The following PAN2 variants were observed in gnomAD, a reference collection of about 807,000 sequenced individuals.
PAN2 encodes the protein poly(A) specific ribonuclease subunit PAN2.
PAN2 carries 68 observed loss-of-function variants against 133.3 expected under a neutral mutation model. The ratio of observed to expected loss-of-function variants is 0.51; its 90% CI spans 0.42 to 0.62. The LOEUF (loss-of-function observed/expected upper bound fraction) is 0.62, where lower values mean the gene tolerates loss of function less well. Among genes scored for constraint, PAN2 ranks in the 20% least tolerant of loss-of-function variants. PAN2 has a pLI of 0.00. For missense variants in PAN2, 1,042 were observed against 1,500.5 expected, an observed-to-expected ratio of 0.69 and a Z score of 5.05; for synonymous variants, 462 against 544.6, an observed-to-expected ratio of 0.85 and a Z score of 2.11.
intron 19 of PAN2, 30 bp downstream of exon 19, chr12:56,322,392 GA>G (rs759494931): frequency 1.3e-6 from 2 of 1,565,050 alleles, no homozygotes; most frequent in Admixed American, 1.7e-5. Context: ...AAGGGGAAAT[GA>G]AAGAAGAAAC....
chr12:56,323,579 CG>C lies in PAN2; in HGVS notation c.2191del (p.Arg731AlafsTer13). On this transcript the variant is annotated frameshift_variant, in exon 15 of 26. Coordinates refer to ENST00000440411, the MANE Select transcript of PAN2 (RefSeq NM_014871.6). LOFTEE classifies it high-confidence loss of function. Reference sequence around the variant, plus strand: ...GATGACAAGAATATCTGGCAGATGGCGGATGTTGCGGGTCTGAATCTGAGAG... The same window carrying C: ...GATGACAAGAATATCTGGCAGATGGCGATGTTGCGGGTCTGAATCTGAGAG... ...YQPTIQTRNI[R>X]HLPDILVINC... The C allele has an allele frequency of 6.2e-7, 1 of 1,614,000 alleles. No individual in the cohort carries two copies. Among genetic ancestry groups the C allele is most frequent in the Non-Finnish European group, 8.5e-7 (1 of 1,179,906 alleles).
At position 56,326,324 on chromosome 12, in the gene PAN2, G is replaced by C; in HGVS notation, c.1348C>G (p.Leu450Val). Reference protein sequence around the residue: ...IGYAPNPRTRLRNQIPYRLKE... With the variant: ...IGYAPNPRTRVRNQIPYRLKE... ...CACTCTGAACACACCTGATTGCGCAGCCTGGTGCGGGGATTGGGCGCATAG... is the reference window on the plus strand; with the variant it reads ...CACTCTGAACACACCTGATTGCGCACCCTGGTGCGGGGATTGGGCGCATAG... The change falls in exon 8 of 26, where the codon CTG becomes GTG. Residue 450 changes from leucine (L) to valine (V), a missense_variant. By Grantham distance (32) the Leu-to-Val change is conservative. This residue lies in a region of PAN2 where 908 missense variants were observed against 1,223.5 expected (regional missense o/e 0.74). Transcript: ENST00000440411. 6.2e-7 allele frequency: 1 copy of C among 1,601,134 alleles called. No homozygotes were observed. Among genetic ancestry groups the C allele is most frequent in the Non-Finnish European group, 8.5e-7 (1 of 1,170,540 alleles).
rs376838096 is a variant in PAN2 at position 56,332,965 on chromosome 12, C to G, written c.130G>C (p.Val44Leu). Residue 44 changes from valine to leucine, a missense_variant, in exon 2 of 26, where the codon GTG becomes CTG. Val to Leu is a conservative substitution (Grantham distance 32). This residue lies in a region of PAN2 where 908 missense variants were observed against 1,223.5 expected (regional missense o/e 0.74). Coordinates refer to ENST00000440411, the MANE Select transcript of PAN2 (RefSeq NM_014871.6). ...LQNVELDPEG[V>L]ALEALPVQES... Reference sequence around the variant, plus strand: ...TGGACGGGAAGAGCCTCCAAGGCCACTCCCTCTGGGTCCAGCTCCACATTC... The same window carrying G: ...TGGACGGGAAGAGCCTCCAAGGCCAGTCCCTCTGGGTCCAGCTCCACATTC... The G allele has an allele frequency of 6.2e-7, 1 of 1,614,222 alleles. No homozygotes were observed. The highest frequency in any genetic ancestry group is 8.5e-7 in the Non-Finnish European group (1 of 1,180,038).
chr12:56,333,957 C>G lies in PAN2; in HGVS notation c.-210G>C, dbSNP rs1876199100. The G allele has an allele frequency of 1.3e-5, 2 of 152,160 alleles. No homozygotes were observed. Among genetic ancestry groups the G allele is most frequent in the Admixed American group, 6.5e-5 (1 of 15,278 alleles). The allele number at this position is 152,160 out of a possible 1,614,324, so 9.4% of individuals were successfully genotyped here. On this transcript the variant is annotated 5_prime_UTR_variant, in exon 1 of 26. Transcript: ENST00000440411. ...CAGCTCCGCGGGAAATTCCAGTTTC[C>G]CCAGTTCTCCCCCACGCCTAGGGCT...
intron 2 of PAN2, among the ~76,000 whole-genome samples, chr12:56,328,888 A>C (rs1006659736): frequency 6.6e-6 from 1 of 152,220 alleles, no homozygotes; most frequent in Admixed American, 6.5e-5. Context: ...TGTCCTCACA[A>C]TGACCCTGCT....
At chr12:56,330,655 G>A (rs574891531) in intron 2 of PAN2, among the ~76,000 whole-genome samples, 2 of 151,532 alleles carry the variant, frequency 1.3e-5, no homozygotes, top group South Asian at 2.1e-4. Context: ...CACCGCGCCC[G>A]GCCTGTATTT....
At chr12:56,327,938 A>C in intron 5 of PAN2, 57 bp downstream of exon 5, 1 of 1,610,672 alleles carries the variant, frequency 6.2e-7, no homozygotes, top group Non-Finnish European at 8.5e-7. Flanking sequence ...GCAGATCGCA[A>C]TCAGGTATCT....
intron 2 of PAN2, among the ~76,000 whole-genome samples, chr12:56,329,713 G>A (rs541206229): frequency 1.3e-5 from 2 of 151,854 alleles, no homozygotes; most frequent in African/African-American, 4.8e-5. Context: ...GGAGGCCAAG[G>A]CAGGTGGATC....
In PAN2 at chr12:56,325,064, A is replaced by G; in HGVS notation, c.1544T>C (p.Leu515Ser). ...DFDFKHYNKT[L>S]FAGLEPHIPN... The stretch of plus-strand genomic sequence containing the variant: ...AATGTGGGGCTCTAATCCAGCAAAC[A>G]AGGTCTTATTGTAGTGTTTGAAGTC... Residue 515 changes from leucine (L) to serine (S), a missense_variant, in exon 10 of 26, where the codon TTG becomes TCG. Coordinates refer to ENST00000440411, the MANE Select transcript of PAN2 (RefSeq NM_014871.6). The G allele has an allele frequency of 4.3e-6, 7 of 1,614,066 alleles. No individual in the cohort carries two copies. The highest frequency in any genetic ancestry group is 5.9e-6 in the Non-Finnish European group (7 of 1,179,930).
At position 56,323,079 on chromosome 12, in the gene PAN2, C is replaced by T; in HGVS notation, c.2476G>A (p.Asp826Asn). ...TCAACAACCTGCATCTCATCCCCAT[C>T]AGTCCAATTGCAAACATCCAGCCCT... The part of the protein sequence containing the change: ...NKGLDVCNWT[D>N]GDEMQWGPAR... The change falls in exon 17 of 26, where the codon GAT (aspartate) becomes AAT (asparagine). Residue 826 changes from aspartate (D) to asparagine (N), a missense_variant. Asp to Asn is a conservative substitution (Grantham distance 23, BLOSUM62 1). Around this residue, in one of 3 missense-constraint regions of PAN2, gnomAD observed 908 missense variants for 1,223.5 expected, o/e 0.74. Coordinates refer to ENST00000440411, the MANE Select transcript of PAN2 (RefSeq NM_014871.6). 6.2e-7 allele frequency: 1 copy of T among 1,614,194 alleles called. No homozygotes were observed. The highest frequency in any genetic ancestry group is 8.5e-7 in the Non-Finnish European group (1 of 1,180,040).
intron 24 of PAN2, 98 bp from the exon 25 acceptor site, chr12:56,318,532 A>C: frequency 1.2e-6 from 1 of 866,486 alleles, no homozygotes; most frequent in South Asian, 1.6e-5. Flanking sequence ...AAAAAGCCTG[A>C]CTGCCCTTAA....
At chr12:56,322,370 G>C (rs1010964776) in intron 19 of PAN2, 53 bp downstream of exon 19, 63 of 1,434,368 alleles carry the variant, frequency 4.4e-5, no homozygotes, top group Non-Finnish European at 6.1e-5. Context: ...CTAAAGATAA[G>C]GATGCTAGGA....
At chr12:56,327,121 C>T (rs894636583) in intron 6 of PAN2, among the ~76,000 whole-genome samples, 162 bp from the exon 7 acceptor site, 11 of 152,230 alleles carry the variant, frequency 7.2e-5, no homozygotes, top group Non-Finnish European at 1.5e-4. Flanking sequence ...ACAGATGGTT[C>T]GCTACTCAGC....
chr12:56,333,163 A>G lies in PAN2; in HGVS notation c.-69T>C. On this transcript the variant is annotated 5_prime_UTR_variant, in exon 2 of 26. Coordinates refer to ENST00000440411, the MANE Select transcript of PAN2 (RefSeq NM_014871.6). ...ACAGTCCCTTTAGATGCCTGACCCAACCTTCAGCAAGACAGCACCGATGGG... is the reference window on the plus strand; with the variant it reads ...ACAGTCCCTTTAGATGCCTGACCCAGCCTTCAGCAAGACAGCACCGATGGG... The G allele has an allele frequency of 6.6e-7, 1 of 1,524,542 alleles. No homozygotes were observed. Among genetic ancestry groups the G allele is most frequent in the Admixed American group, 1.7e-5 (1 of 58,200 alleles). 94.4% of individuals were successfully genotyped at this position (1,524,542 alleles called of 1,614,324 possible). A position where few individuals can be genotyped will look rare whatever the true frequency, so the allele number is the denominator to read the frequency against.
chr12:56,320,093 T>C, intron 20 of PAN2, 72 bp from the exon 21 acceptor site: 5 of 1,438,104 alleles, frequency 3.5e-6, no homozygotes, highest in South Asian at 1.2e-5. Flanking sequence ...CCAGTGTGGC[T>C]GATCATCGAC....
Position 56,317,238 on chromosome 12 carries a change from C to CT in PAN2, c.*370dup, listed in dbSNP as rs1356217949. ...AAGTCTTGAACTACTGTGGTATCCT[C>CT]TGTCACTGTCCAGGACTTCAATCCC... On this transcript the variant is annotated 3_prime_UTR_variant, in exon 26 of 26. Transcript: ENST00000440411. 1.3e-5 allele frequency: 3 copies of CT among 232,276 alleles called. No individual in the cohort carries two copies. Among genetic ancestry groups the CT allele is most frequent in the South Asian group, 1.3e-4 (2 of 15,182 alleles). The allele number at this position is 232,276 out of a possible 1,614,324, so 14.4% of individuals were successfully genotyped here.
In PAN2 at chr12:56,326,423, T is replaced by C. The variant is rs1000193082; in HGVS notation, c.1263-14A>G. 1 of 1,575,294 alleles carries C rather than the reference T, an allele frequency of 6.3e-7. No individual in the cohort carries two copies. The highest frequency in any genetic ancestry group is 8.7e-7 in the Non-Finnish European group (1 of 1,154,980). On this transcript the variant is annotated splice_polypyrimidine_tract_variant and intron_variant, in intron 7 of 25. Coordinates refer to ENST00000440411, the MANE Select transcript of PAN2 (RefSeq NM_014871.6). ...GGTGGTGCTCGCCTACAATCCAGCA[T>C]AGTTCTAGGACTTAAAGAGTTGTGG...
chr12:56,326,816 G>A lies in PAN2; in HGVS notation c.1063C>T (p.His355Tyr). The change falls in exon 7 of 26, where the codon CAC becomes TAC. Residue 355 changes from histidine (H) to tyrosine (Y), a missense_variant. Coordinates refer to ENST00000440411, the MANE Select transcript of PAN2 (RefSeq NM_014871.6). ...LAFGDSEGCVHLWTDSPEPSF... is the reference protein window; with the variant it reads ...LAFGDSEGCVYLWTDSPEPSF... Reference sequence around the variant, plus strand: ...GGCTCCGGGGAATCAGTCCAGAGGTGCACACAGCCCTCAGAATCCCCAAAG... The same window carrying A: ...GGCTCCGGGGAATCAGTCCAGAGGTACACACAGCCCTCAGAATCCCCAAAG... 1 of 1,614,194 alleles carries A rather than the reference G, an allele frequency of 6.2e-7. No homozygotes were observed. The highest frequency in any genetic ancestry group is 8.5e-7 in the Non-Finnish European group (1 of 1,180,026).
At chr12:56,329,816 C>G (rs1875538538) in intron 2 of PAN2, among the ~76,000 whole-genome samples, 2 of 151,750 alleles carry the variant, frequency 1.3e-5, no homozygotes, top group South Asian at 4.1e-4. Context: ...TGGTGGCACA[C>G]ACCTGTAGTC....
Sources: gnomAD v4.1 joint callset for allele counts (sites outside exome capture counted in the v4.1 genomes callset) on GRCh38, gnomAD v4.1.1 for gene constraint, gnomAD v4.1.1 regional missense constraint, MANE v1.5 for transcripts, NCBI Gene and HGNC (gene_info 2026-07-23, HGNC 2026-07-21) for gene names.